Variants in GRB10 observed in about 807,000 individuals in gnomAD.
The protein encoded by GRB10 is growth factor receptor bound protein 10.
GRB10 carries 20 observed loss-of-function variants against 80.9 expected under a neutral mutation model. The observed-to-expected ratio is 0.25, with a 90% CI of 0.17 to 0.36. GRB10 has a LOEUF of 0.36. Ranked by LOEUF, GRB10 falls within the 10% of genes least tolerant of loss-of-function variation. GRB10 has a pLI of 1.00. For missense variants in GRB10, 548 were observed against 747.7 expected, an observed-to-expected ratio of 0.73 and a Z score of 3.12; for synonymous variants, 291 against 291.5, an observed-to-expected ratio of 1.00 and a Z score of 0.02.
At chr7:50,694,023 G>A (rs534186496) in intron 5 of GRB10, among the ~76,000 whole-genome samples, 3 of 152,204 alleles carry the variant, frequency 2.0e-5, no homozygotes, top group East Asian at 1.9e-4. Context: ...ATAGAGGGAA[G>A]TGGGTGGGTG....
chr7:50,635,973 T>TC (rs2054933949), intron 7 of GRB10, among the ~76,000 whole-genome samples: 1 of 110,316 alleles, frequency 9.1e-6, no homozygotes, highest in African/African-American at 3.2e-5. Context: ...TTTTTTTTTT[T>TC]TTTTTTTTTT....
intron 3 of GRB10, among the ~76,000 whole-genome samples, chr7:50,741,506 A>G (rs1369438532): frequency 6.7e-6 from 1 of 150,302 alleles, no homozygotes; most frequent in African/African-American, 2.4e-5. Context: ...AAGGGGCTCC[A>G]TGCTACATCC....
chr7:50,748,953 A>T (rs1321910718), intron 3 of GRB10, among the ~76,000 whole-genome samples: 1 of 152,232 alleles, frequency 6.6e-6, no homozygotes, highest in Non-Finnish European at 1.5e-5. Flanking sequence ...GTGCTACATT[A>T]AAAGACATAT....
At chr7:50,630,780 G>C (rs1435707532) in intron 7 of GRB10, among the ~76,000 whole-genome samples, 1 of 152,204 alleles carries the variant, frequency 6.6e-6, no homozygotes, top group Non-Finnish European at 1.5e-5. Context: ...TGTCTTTTTA[G>C]AGTTAGTTGG....
At chr7:50,770,172 A>G (rs930727750) in intron 2 of GRB10, among the ~76,000 whole-genome samples, 5 of 152,194 alleles carry the variant, frequency 3.3e-5, no homozygotes, top group Non-Finnish European at 7.3e-5. Context: ...CACTTCATCT[A>G]GTTCCATCAA....
At chr7:50,655,451 T>TAAAGACAGAGG (rs891478856) in intron 7 of GRB10, among the ~76,000 whole-genome samples, 8 of 152,200 alleles carry the variant, frequency 5.3e-5, no homozygotes, top group Non-Finnish European at 8.8e-5. Context: ...AACGTATATT[T>TAAAGACAGAGG]AAAGACAGAG....
At chr7:50,651,180 T>C (rs2057962912) in intron 7 of GRB10, among the ~76,000 whole-genome samples, 2 of 152,238 alleles carry the variant, frequency 1.3e-5, no homozygotes, top group Non-Finnish European at 2.9e-5. Flanking sequence ...TGTATGTGTA[T>C]TAGTTTGCCA....
At chr7:50,651,283 G>A (rs937852379) in intron 7 of GRB10, among the ~76,000 whole-genome samples, 3 of 152,154 alleles carry the variant, frequency 2.0e-5, no homozygotes, top group African/African-American at 7.2e-5. Flanking sequence ...ATCAAGATGC[G>A]AGCAGGTCTG....
At chr7:50,666,868 G>A (rs1008066167) in intron 7 of GRB10, among the ~76,000 whole-genome samples, 2 of 151,936 alleles carry the variant, frequency 1.3e-5, no homozygotes, top group Non-Finnish European at 2.9e-5. Flanking sequence ...GTGAAACCCC[G>A]TCTCTACTAA....
chr7:50,604,238 T>C, intron 16 of GRB10, 73 bp downstream of exon 16: 1 of 1,374,134 alleles, frequency 7.3e-7, no homozygotes, highest in Non-Finnish European at 1.0e-6. Context: ...TTCGTAAGGC[T>C]GAGGGGGAGT....
At chr7:50,646,269 C>T (rs1003052134) in intron 7 of GRB10, among the ~76,000 whole-genome samples, 3 of 152,158 alleles carry the variant, frequency 2.0e-5, no homozygotes, top group East Asian at 1.9e-4. Flanking sequence ...CCCTTGTTTC[C>T]GGGAGCTGTT....
At chr7:50,690,320 C>CAAAAAAAAAAAAAAAA (rs5884162) in intron 5 of GRB10, among the ~76,000 whole-genome samples, 1 of 148,688 alleles carries the variant, frequency 6.7e-6, no homozygotes. Flanking sequence ...AACAAACAAA[C>CAAAAAAAAAAAAAAAA]AAAAAAAACA....
At chr7:50,741,565 A>AAC (rs1554619340) in intron 3 of GRB10, among the ~76,000 whole-genome samples, 2 of 141,036 alleles carry the variant, frequency 1.4e-5, no homozygotes, top group African/African-American at 5.2e-5. Flanking sequence ...AAAAAAAAAA[A>AAC]AAAAAAAAAA....
intron 4 of GRB10, among the ~76,000 whole-genome samples, chr7:50,711,852 G>A (rs996853412): frequency 3.3e-5 from 5 of 152,166 alleles, no homozygotes; most frequent in African/African-American, 1.2e-4. Flanking sequence ...GTGCTAGACA[G>A]TTTACACACA....
At chr7:50,674,976 T>A (rs1388901310) in intron 5 of GRB10, among the ~76,000 whole-genome samples, 1 of 152,070 alleles carries the variant, frequency 6.6e-6, no homozygotes, top group Non-Finnish European at 1.5e-5. Context: ...CCCCCTCCGG[T>A]AGGCCGCACA....
chr7:50,648,662 A>AG, intron 7 of GRB10, among the ~76,000 whole-genome samples: 1 of 152,010 alleles, frequency 6.6e-6, no homozygotes, highest in South Asian at 2.1e-4. Context: ...CATCCCTCCT[A>AG]CAGCTACTCC....
At position 50,591,299 on chromosome 7, in the gene GRB10, C is replaced by T. The variant is rs1408980583; in HGVS notation, c.*1653G>A. 2 of 152,220 alleles carry T rather than the reference C, an allele frequency of 1.3e-5. No homozygotes were observed. The highest frequency in any genetic ancestry group is 2.9e-5 in the Non-Finnish European group (2 of 68,054). 9.4% of individuals were successfully genotyped at this position (152,220 alleles called of 1,614,324 possible). A position where few individuals can be genotyped will look rare whatever the true frequency, so the allele number is the denominator to read the frequency against. ...TGTTACTATACGGTAGACTGACTTC[C>T]AGCTGACTGGCCTTACTGAAGCTTG... is the stretch of plus-strand genomic sequence containing the variant. On this transcript the variant is annotated 3_prime_UTR_variant, in exon 19 of 19. Transcript: ENST00000401949.
intron 2 of GRB10, among the ~76,000 whole-genome samples, chr7:50,771,788 A>T (rs1211782977): frequency 1.3e-5 from 2 of 152,204 alleles, no homozygotes; most frequent in African/African-American, 2.4e-5. Flanking sequence ...CTGCTGCAGG[A>T]TTACCACTCT....
At chr7:50,620,490 C>A (rs1262177212) in intron 8 of GRB10, among the ~76,000 whole-genome samples, 1 of 152,204 alleles carries the variant, frequency 6.6e-6, no homozygotes, top group Non-Finnish European at 1.5e-5. Flanking sequence ...CCCCGACCGG[C>A]ATGCAGAAGC....
Sources: gnomAD v4.1 joint callset for allele counts (sites outside exome capture counted in the v4.1 genomes callset) on GRCh38, gnomAD v4.1.1 for gene constraint, MANE v1.5 for transcripts, NCBI Gene and HGNC (gene_info 2026-07-23, HGNC 2026-07-21) for gene names.